RPL23A: variants seen among roughly 807,000 people sequenced by gnomAD.
RPL23A encodes large ribosomal subunit protein uL23.
Under a neutral mutation model 17.6 loss-of-function variants are expected in RPL23A, and 2 were observed. The observed-to-expected ratio is 0.11, with a 90% CI of 0.05 to 0.36. RPL23A has a LOEUF of 0.36. RPL23A is among the 10% of genes least tolerant of loss of function. RPL23A has a pLI of 1.00. For missense variants in RPL23A, 132 were observed against 194.4 expected, an observed-to-expected ratio of 0.68 and a Z score of 1.91; for synonymous variants, 65 against 74.3, an observed-to-expected ratio of 0.87 and a Z score of 0.65.
Position 28,723,557 on chromosome 17 carries a change from C to T in RPL23A, c.387-14C>T. On this transcript the variant is annotated splice_polypyrimidine_tract_variant and intron_variant, in intron 3 of 4. Coordinates refer to ENST00000422514, the MANE Select transcript of RPL23A (RefSeq NM_000984.6). The stretch of plus-strand genomic sequence containing the variant: ...TGAGGGTGGCAGGGACTAAGGCTTC[C>T]TTCTCTACCCTAGGCCTGATGGAGA... 1 of 1,610,626 alleles carries T rather than the reference C, an allele frequency of 6.2e-7. No homozygotes were observed. Among genetic ancestry groups the T allele is most frequent in the Non-Finnish European group, 8.5e-7 (1 of 1,176,926 alleles).
chr17:28,723,769 C>G, intron 4 of RPL23A, 98 bp from the exon 5 acceptor site: 1 of 1,393,974 alleles, frequency 7.2e-7, no homozygotes, highest in Non-Finnish European at 1.0e-6. Flanking sequence ...CCTTGACAAA[C>G]CTTATCCTCA....
rs954268975 is a variant in RPL23A, at chr17:28,723,969, G to T, written c.*88G>T. 3 of 926,592 alleles carry T rather than the reference G, an allele frequency of 3.2e-6. No homozygotes were observed. Among genetic ancestry groups the T allele is most frequent in the Non-Finnish European group, 4.9e-6 (3 of 616,914 alleles). 57.4% of individuals were successfully genotyped at this position (926,592 alleles called of 1,614,324 possible). ...CTGTCTGTCAATTTCTGGTTGGGCT[G>T]GGAGGCCACACACACACACTGACAT... On this transcript the variant is annotated 3_prime_UTR_variant, in exon 5 of 5. Coordinates refer to ENST00000422514, the MANE Select transcript of RPL23A (RefSeq NM_000984.6).
chr17:28,722,861 G>A lies in RPL23A; in HGVS notation c.348G>A (p.Leu116=). Residue 116 remains leucine, a synonymous_variant, in exon 3 of 5, where the codon CTG becomes CTA. Coordinates refer to ENST00000422514, the MANE Select transcript of RPL23A (RefSeq NM_000984.6). ...AGATTAAACAGGCTGTGAAGAAGCT[G>A]TATGACATTGATGTGGCCAAGGTCA... ...KHQIKQAVKK[L]YDIDVAKVNT... 6.2e-7 allele frequency: 1 copy of A among 1,613,962 alleles called. No homozygotes were observed. Among genetic ancestry groups the A allele is most frequent in the Non-Finnish European group, 8.5e-7 (1 of 1,179,848 alleles).
chr17:28,722,197 C>T (rs371042009), intron 2 of RPL23A, among the ~76,000 whole-genome samples: 6 of 149,842 alleles, frequency 4.0e-5, no homozygotes, highest in South Asian at 2.1e-4. Flanking sequence ...TGCAGCGAGC[C>T]GAGATCCTGT....
chr17:28,722,790 A>G lies in RPL23A; in HGVS notation c.277A>G (p.Asn93Asp), dbSNP rs763483485. Reference sequence around the variant, plus strand: ...GTCTGCCATGAAGAAGATAGAAGACAACAACACACTTGTGTTCATTGTGGA... The same window carrying G: ...GTCTGCCATGAAGAAGATAGAAGACGACAACACACTTGTGTTCATTGTGGA... Reference protein sequence around the residue: ...TESAMKKIEDNNTLVFIVDVK... With the variant: ...TESAMKKIEDDNTLVFIVDVK... The change falls in exon 3 of 5, where the codon AAC becomes GAC. Residue 93 changes from asparagine to aspartate, a missense_variant. Around this residue, in one of 2 missense-constraint regions of RPL23A, gnomAD observed 69 missense variants for 145.5 expected, o/e 0.47. Transcript: ENST00000422514. The G allele has an allele frequency of 6.2e-7, 1 of 1,613,366 alleles. No individual in the cohort carries two copies. The highest frequency in any genetic ancestry group is 1.7e-5 in the Admixed American group (1 of 59,998).
intron 1 of RPL23A, 74 bp downstream of exon 1, chr17:28,720,104 C>G: frequency 6.5e-7 from 1 of 1,539,028 alleles, no homozygotes; most frequent in Non-Finnish European, 8.8e-7. Flanking sequence ...ATTGGGAACA[C>G]GGCTGCTGGG....
chr17:28,723,135 C>T (rs1473020502), intron 3 of RPL23A, among the ~76,000 whole-genome samples: 1 of 149,780 alleles, frequency 6.7e-6, no homozygotes, highest in Admixed American at 6.6e-5. Context: ...AAAAAAAAAT[C>T]CCCTGGACCT....
intron 2 of RPL23A, chr17:28,722,269 T>G: frequency 4.2e-6 from 1 of 238,060 alleles, no homozygotes; most frequent in Non-Finnish European, 8.5e-6. Flanking sequence ...AAAAAGGAAT[T>G]TGCCCCTGGC....
intron 1 of RPL23A, 192 bp downstream of exon 1, chr17:28,720,222 A>T: frequency 6.5e-7 from 1 of 1,531,446 alleles, no homozygotes; most frequent in East Asian, 2.5e-5. Flanking sequence ...CGGTAGAGGG[A>T]GTTGGGGGGG....
intron 2 of RPL23A, among the ~76,000 whole-genome samples, chr17:28,722,232 C>A (rs1018874596): frequency 1.5e-5 from 2 of 132,616 alleles, no homozygotes; most frequent in Non-Finnish European, 3.3e-5. Flanking sequence ...CTGGGCGAAG[C>A]GAGACTCTGT....
intron 1 of RPL23A, 196 bp downstream of exon 1, chr17:28,720,226 G>C (rs1395190771): frequency 6.2e-6 from 9 of 1,444,814 alleles, no homozygotes; most frequent in East Asian, 2.6e-5. Flanking sequence ...AGAGGGAGTT[G>C]GGGGGGGGCA....
intron 2 of RPL23A, 92 bp downstream of exon 2, chr17:28,720,982 C>A (rs1228680454): frequency 1.3e-5 from 15 of 1,114,706 alleles, no homozygotes; most frequent in Admixed American, 2.2e-5. Context: ...GTTTCTCAAA[C>A]GCAAATTGTG....
intron 1 of RPL23A, chr17:28,720,474 G>T (rs775400652): frequency 1.6e-5 from 25 of 1,596,024 alleles, no homozygotes; most frequent in Non-Finnish European, 2.1e-5. Flanking sequence ...AGTATCAAGC[G>T]TTCATTCAGT....
chr17:28,720,451 A>T (rs762345805), intron 1 of RPL23A: 9 of 1,611,864 alleles, frequency 5.6e-6, no homozygotes, highest in Non-Finnish European at 7.6e-6. Context: ...AATTCGTAGG[A>T]CATTTTCTGG....
In RPL23A at chr17:28,720,344, C is replaced by T. The variant is rs186231161; in HGVS notation, c.25+314C>T. 4.8e-5 allele frequency: 74 copies of T among 1,551,884 alleles called. No homozygotes were observed. The East Asian group carries it at 1.1e-3, about 24-fold the overall frequency. ...CCCCGGGCCTGTAAGGAATTAGTGC[C>T]CTCAGCTTTAACCATTTTCCTTCTG... On this transcript the variant is annotated intron_variant, in intron 1 of 4. Transcript: ENST00000422514.
Position 28,723,982 on chromosome 17 carries a change from C to G in RPL23A, c.*101C>G. Reference sequence around the variant, plus strand: ...TCTGGTTGGGCTGGGAGGCCACACACACACACTGACATGACAGGGCTTGGG... The same window carrying G: ...TCTGGTTGGGCTGGGAGGCCACACAGACACACTGACATGACAGGGCTTGGG... On this transcript the variant is annotated 3_prime_UTR_variant, in exon 5 of 5. Transcript: ENST00000422514. 4 of 761,056 alleles carry G rather than the reference C, an allele frequency of 5.3e-6. No individual in the cohort carries two copies. The highest frequency in any genetic ancestry group is 4.2e-6 in the Non-Finnish European group (2 of 474,428). The allele number at this position is 761,056 out of a possible 1,614,324, so 47.1% of individuals were successfully genotyped here. A position where few individuals can be genotyped will look rare whatever the true frequency, so the allele number is the denominator to read the frequency against.
At chr17:28,721,181 C>T (rs999845311) in intron 2 of RPL23A, 4 of 274,640 alleles carry the variant, frequency 1.5e-5, no homozygotes, top group Admixed American at 4.9e-5. Flanking sequence ...GGAGAAACCC[C>T]GCGTCTATTA....
At chr17:28,722,657 G>A (rs1406470908) in intron 2 of RPL23A, 66 bp from the exon 3 acceptor site, 1 of 1,319,532 alleles carries the variant, frequency 7.6e-7, no homozygotes, top group Non-Finnish European at 1.1e-6. Context: ...ATGCACCTAG[G>A]CTCTCCTGGC....
intron 1 of RPL23A, 69 bp downstream of exon 1, chr17:28,720,099 G>A (rs2034074354): frequency 1.3e-6 from 2 of 1,542,396 alleles, no homozygotes; most frequent in Non-Finnish European, 8.8e-7. Flanking sequence ...AACGAATTGG[G>A]AACACGGCTG....
Sources: gnomAD v4.1 joint callset for allele counts (sites outside exome capture counted in the v4.1 genomes callset) on GRCh38, gnomAD v4.1.1 for gene constraint, gnomAD v4.1.1 regional missense constraint, MANE v1.5 for transcripts, NCBI Gene and HGNC (gene_info 2026-07-23, HGNC 2026-07-21) for gene names.